Variants in TFDP1 observed in about 807,000 individuals in gnomAD.
TFDP1 encodes the protein DRTF1-polypeptide 1.
A neutral mutation model predicts 48.0 loss-of-function variants in TFDP1; 6 were observed. That is an observed-to-expected ratio of 0.13 (90% CI 0.07 to 0.25). The LOEUF is 0.25. Ranked by LOEUF, TFDP1 falls within the 10% of genes least tolerant of loss-of-function variation. The pLI is 1.00. For missense variants in TFDP1, 335 were observed against 543.0 expected (o/e 0.62, Z 3.81); for synonymous variants, 201 against 211.6 (o/e 0.95, Z 0.44).
rs903661678 is a variant in TFDP1, at chr13:113,623,850, C to T, written c.186+564C>T. On this transcript the variant is annotated intron_variant, in intron 4 of 11. Transcript: ENST00000375370. The surrounding 1 kb of genome is among the most constrained non-coding windows in gnomAD (Gnocchi z 5.2). ...TGATGCTGGCCAACTGATGCTGCTT[C>T]TCATAATGCTGTTTCCTGTCTCGTG... 5.9e-5 allele frequency among the ~76,000 whole-genome samples: 9 copies of T among 152,188 alleles called. No homozygotes were observed. The highest frequency in any genetic ancestry group is 2.2e-4 in the African/African-American group (9 of 41,448).
rs765511109 is a variant in TFDP1, at chr13:113,641,101, CAT to C, written c.*835_*836del. The stretch of plus-strand genomic sequence containing the variant: ...TACTTATAAGTCTATCATTTAAAGA[CAT>C]GTACTGAAACAAATGTATTTGTTTC... On this transcript the variant is annotated 3_prime_UTR_variant, in exon 12 of 12. Coordinates refer to ENST00000375370, the MANE Select transcript of TFDP1 (RefSeq NM_007111.5). 6.6e-6 allele frequency: 1 copy of C among 152,630 alleles called. No individual in the cohort carries two copies. Among genetic ancestry groups the C allele is most frequent in the Non-Finnish European group, 1.5e-5 (1 of 68,046 alleles). The allele number at this position is 152,630 out of a possible 1,614,324, so 9.5% of individuals were successfully genotyped here.
chr13:113,601,796 T>G (rs9577591), intron 2 of TFDP1, among the ~76,000 whole-genome samples: 73,805 of 151,640 alleles, frequency 0.49, 20,368 homozygotes, highest in African/African-American at 0.76. Context: ...CAGGAGTTGA[T>G]GGGGGAGCAG....
chr13:113,597,849 T>C (rs9324249), intron 2 of TFDP1, among the ~76,000 whole-genome samples: 71,624 of 151,988 alleles, frequency 0.47, 18,800 homozygotes, highest in African/African-American at 0.71. Flanking sequence ...CTCTGCGGCC[T>C]CTGTCTTTGC....
In TFDP1 at chr13:113,627,489, G is replaced by A. The variant is rs2049213713; in HGVS notation, c.187-4134G>A. Among the ~76,000 whole-genome samples the A allele has an allele frequency of 6.6e-6, 1 of 152,184 alleles. No homozygotes were observed. Among genetic ancestry groups the A allele is most frequent in the South Asian group, 2.1e-4 (1 of 4,830 alleles). On this transcript the variant is annotated intron_variant, in intron 4 of 11. Transcript: ENST00000375370. This position sits in a 1 kb window ranked among gnomAD's most constrained non-coding sequence, Gnocchi z 4.1. ...CTGGCCCTGTCTCTCTGGACACCGCGGTTAACCTTGGTCCATCTCTAGGAT... is the reference window on the plus strand; with the variant it reads ...CTGGCCCTGTCTCTCTGGACACCGCAGTTAACCTTGGTCCATCTCTAGGAT...
intron 2 of TFDP1, among the ~76,000 whole-genome samples, chr13:113,595,346 A>G (rs2048260945): frequency 6.6e-6 from 1 of 152,192 alleles, no homozygotes; most frequent in East Asian, 1.9e-4. Context: ...AACATAAAAG[A>G]CATCTCAGGA....
intron 3 of TFDP1, 109 bp downstream of exon 3, chr13:113,611,171 C>T: frequency 9.0e-7 from 1 of 1,111,080 alleles, no homozygotes; most frequent in South Asian, 1.3e-5. Flanking sequence ...GCATCTCCTG[C>T]ATGGGCACCT....
chr13:113,625,338 G>T (rs79318332), intron 4 of TFDP1, among the ~76,000 whole-genome samples: 45 of 87,204 alleles, frequency 5.2e-4, no homozygotes, highest in African/African-American at 2.6e-3. Context: ...CGTCTCTCAC[G>T]TGTCCTCAGG....
chr13:113,639,736 C>G (rs562091415), intron 11 of TFDP1, among the ~76,000 whole-genome samples: 2 of 152,322 alleles, frequency 1.3e-5, no homozygotes, highest in East Asian at 1.9e-4. Flanking sequence ...TGTCCTGCCC[C>G]GGGCTCTCTT....
chr13:113,604,305 T>C (rs2048512163), intron 2 of TFDP1, among the ~76,000 whole-genome samples: 1 of 152,092 alleles, frequency 6.6e-6, no homozygotes, highest in African/African-American at 2.4e-5. Context: ...CTCAAGCTGG[T>C]AATTGTGGTC....
chr13:113,638,703 A>G (rs926580750), intron 11 of TFDP1, among the ~76,000 whole-genome samples: 6 of 152,190 alleles, frequency 3.9e-5, no homozygotes, highest in East Asian at 1.9e-4. Context: ...TTGACCTGCA[A>G]TCCCACAGAG....
intron 5 of TFDP1, among the ~76,000 whole-genome samples, chr13:113,632,123 C>T (rs1007986110): frequency 1.3e-5 from 2 of 152,246 alleles, no homozygotes; most frequent in Admixed American, 1.3e-4. Context: ...CCCCTGAATT[C>T]AGCCTCTACT....
intron 11 of TFDP1, among the ~76,000 whole-genome samples, 163 bp from the exon 12 acceptor site, chr13:113,639,957 T>A (rs2049599719): frequency 6.6e-6 from 1 of 152,222 alleles, no homozygotes; most frequent in Non-Finnish European, 1.5e-5. Context: ...GCCAGAGCGT[T>A]GGCGTGCTGT....
chr13:113,616,062 G>T (rs1290060676), intron 3 of TFDP1, among the ~76,000 whole-genome samples: 1 of 152,024 alleles, frequency 6.6e-6, no homozygotes, highest in South Asian at 2.1e-4. Flanking sequence ...AATTAGTGGG[G>T]CGCTGTGGTA....
chr13:113,604,027 T>C (rs1371091772), intron 2 of TFDP1, among the ~76,000 whole-genome samples: 2 of 151,916 alleles, frequency 1.3e-5, no homozygotes, highest in East Asian at 3.9e-4. Flanking sequence ...TAGCCAGGCA[T>C]GGGGTGCATG....
chr13:113,628,248 A>G (rs1245931346), intron 4 of TFDP1, among the ~76,000 whole-genome samples: 1 of 151,956 alleles, frequency 6.6e-6, no homozygotes, highest in Non-Finnish European at 1.5e-5. Context: ...AGCCGTGTAG[A>G]GACTGTGTCT....
chr13:113,611,017 G>A lies in TFDP1; in HGVS notation c.34G>A (p.Gly12Arg), dbSNP rs1198680776. ...AKDAGLIEAN[G>R]ELKVFIDQNL... is the part of the protein sequence containing the mutation. ...GCAGGCCGGTCTAATTGAAGCCAACGGAGAACTCAAGGTCTTCATAGACCA... is the reference window on the plus strand; with the variant it reads ...GCAGGCCGGTCTAATTGAAGCCAACAGAGAACTCAAGGTCTTCATAGACCA... Residue 12 changes from glycine to arginine, a missense_variant, in exon 3 of 12, where the codon GGA (glycine) becomes AGA (arginine). By Grantham distance (125) the Gly-to-Arg change is moderately radical. Transcript: ENST00000375370. 7 of 1,614,104 alleles carry A rather than the reference G, an allele frequency of 4.3e-6. No individual in the cohort carries two copies. Among genetic ancestry groups the A allele is most frequent in the Non-Finnish European group, 5.1e-6 (6 of 1,180,008 alleles).
intron 2 of TFDP1, among the ~76,000 whole-genome samples, chr13:113,590,619 C>A (rs1353992765): frequency 1.3e-5 from 2 of 152,112 alleles, no homozygotes; most frequent in Admixed American, 1.3e-4. Flanking sequence ...TCTATGATGA[C>A]GTGCTTGTTT....
intron 4 of TFDP1, 133 bp from the exon 5 acceptor site, chr13:113,631,490 C>T (rs1198126284): frequency 8.4e-7 from 1 of 1,194,890 alleles, no homozygotes; most frequent in African/African-American, 1.6e-5. Flanking sequence ...GGACGTTTTT[C>T]CTGCTCCGTC....
chr13:113,585,892 C>A, intron 2 of TFDP1, 43 bp downstream of exon 2: 1 of 1,588,668 alleles, frequency 6.3e-7, no homozygotes, highest in South Asian at 1.1e-5. Context: ...GTTTGCCTCG[C>A]ACTAAATTCT....
Sources: gnomAD v4.1 joint callset for allele counts (sites outside exome capture counted in the v4.1 genomes callset) on GRCh38, gnomAD v4.1.1 for gene constraint, Gnocchi (gnomAD v3.1) non-coding constraint, MANE v1.5 for transcripts, NCBI Gene and HGNC (gene_info 2026-07-23, HGNC 2026-07-21) for gene names.